Variants in B3GAT2 observed in about 807,000 individuals in gnomAD.
The protein encoded by B3GAT2 is galactosylgalactosylxylosylprotein 3-beta-glucuronosyltransferase 2.
A neutral mutation model predicts 27.8 loss-of-function variants in B3GAT2; 26 were observed. The ratio of observed to expected loss-of-function variants is 0.93; its 90% CI spans 0.68 to 1.30. The LOEUF (loss-of-function observed/expected upper bound fraction) is 1.30. Ranked by LOEUF, B3GAT2 falls within the 50% of genes most tolerant of loss-of-function variation. The pLI is 0.00. For missense variants in B3GAT2, 458 were observed against 459.0 expected (o/e 1.00, Z 0.02); for synonymous variants, 218 against 195.1 (o/e 1.12, Z -0.98).
chr6:70,892,864 G>C (rs942203872), intron 2 of B3GAT2, among the ~76,000 whole-genome samples: 3 of 152,174 alleles, frequency 2.0e-5, no homozygotes, highest in Non-Finnish European at 4.4e-5. Context: ...CCTCAGGACC[G>C]TCCAAGATGG....
At chr6:70,939,703 A>G (rs1375228924) in intron 1 of B3GAT2, among the ~76,000 whole-genome samples, 1 of 150,150 alleles carries the variant, frequency 6.7e-6, no homozygotes, top group Non-Finnish European at 1.5e-5. Context: ...CAATGAGAAC[A>G]CAGACACAGG....
chr6:70,938,219 G>A (rs1460894736), intron 1 of B3GAT2, among the ~76,000 whole-genome samples: 67 of 141,346 alleles, frequency 4.7e-4, no homozygotes, highest in Non-Finnish European at 7.2e-4. Flanking sequence ...CCTCTTCAAG[G>A]AGAACTACAA....
chr6:70,915,278 T>C (rs2150040052), intron 1 of B3GAT2, among the ~76,000 whole-genome samples: 1 of 152,332 alleles, frequency 6.6e-6, no homozygotes, highest in Admixed American at 6.5e-5. Flanking sequence ...TAAATTTGTT[T>C]AGGTTCTTTG....
chr6:70,861,985 G>T lies in B3GAT2; in HGVS notation c.737-7C>A. The T allele has an allele frequency of 2.6e-6, 4 of 1,545,864 alleles. No homozygotes were observed. Among genetic ancestry groups the T allele is most frequent in the East Asian group, 2.3e-5 (1 of 43,892 alleles). The stretch of plus-strand genomic sequence containing the variant: ...TGAAGACTTACAGCAAATCCTTTGT[G>T]AAAAATAAAAAAAAAAAAGAGACTT... On this transcript the variant is annotated splice_polypyrimidine_tract_variant and splice_region_variant and intron_variant, in intron 2 of 3. Transcript: ENST00000230053.
chr6:70,917,751 G>A (rs561391248), intron 1 of B3GAT2, among the ~76,000 whole-genome samples: 3 of 152,236 alleles, frequency 2.0e-5, no homozygotes, highest in Admixed American at 6.5e-5. Context: ...ATTGCATTGC[G>A]GTCTGAGAGA....
At chr6:70,933,812 G>A (rs1446058908) in intron 1 of B3GAT2, among the ~76,000 whole-genome samples, 22 of 152,174 alleles carry the variant, frequency 1.4e-4, no homozygotes, top group Admixed American at 1.4e-3. Flanking sequence ...GTCTTCTGGA[G>A]CCTTCCACAG....
intron 1 of B3GAT2, among the ~76,000 whole-genome samples, chr6:70,927,916 A>T (rs1772990936): frequency 6.6e-6 from 1 of 152,174 alleles, no homozygotes; most frequent in African/African-American, 2.4e-5. Flanking sequence ...CTTACTCCAA[A>T]ATTAACCACT....
intron 2 of B3GAT2, among the ~76,000 whole-genome samples, chr6:70,891,748 TTGTGTG>T (rs147352529): frequency 0.013 from 1,842 of 144,720 alleles, 17 homozygotes; most frequent in East Asian, 0.031. Flanking sequence ...AGAGCTCAGA[TTGTGTG>T]TGTGTGTGTG....
rs192199032 is a variant in B3GAT2, at chr6:70,899,728, A to C, written c.592-5456T>G. ...CATTTCAAAGGAAAACGGCACAGCT[A>C]TTTACAGAACTTCTTCATTTCACTC... On this transcript the variant is annotated intron_variant, in intron 1 of 3. Transcript: ENST00000230053. Among the ~76,000 whole-genome samples, 16 of 152,260 alleles carry C rather than the reference A, an allele frequency of 1.1e-4. No homozygotes were observed. In the East Asian group the frequency reaches 2.9e-3, roughly 28 times the overall value.
chr6:70,956,676 A>G lies in B3GAT2; in HGVS notation c.-247T>C, dbSNP rs370250434. 3 of 1,357,272 alleles carry G rather than the reference A, an allele frequency of 2.2e-6. No individual in the cohort carries two copies. The Admixed American group carries it at 1.0e-4, about 46-fold the overall frequency. 84.1% of individuals were successfully genotyped at this position (1,357,272 alleles called of 1,614,324 possible). A position where few individuals can be genotyped will look rare whatever the true frequency, so the allele number is the denominator to read the frequency against. Reference sequence around the variant, plus strand: ...GCGGGCAGGGGCTGCCCCCGACTCCAGGTGAGCTGGCGGGAAGCGGGACTC... The same window carrying G: ...GCGGGCAGGGGCTGCCCCCGACTCCGGGTGAGCTGGCGGGAAGCGGGACTC... On this transcript the variant is annotated 5_prime_UTR_variant, in exon 1 of 4. Coordinates refer to ENST00000230053, the MANE Select transcript of B3GAT2 (RefSeq NM_080742.3).
chr6:70,935,058 G>A (rs1467152097), intron 1 of B3GAT2, among the ~76,000 whole-genome samples: 1 of 152,048 alleles, frequency 6.6e-6, no homozygotes, highest in Non-Finnish European at 1.5e-5. Flanking sequence ...TTGTAGATAT[G>A]TGTAATAGGG....
Position 70,859,112 on chromosome 6 carries a change from G to A in B3GAT2, c.*2551C>T. On this transcript the variant is annotated 3_prime_UTR_variant, in exon 4 of 4. Coordinates refer to ENST00000230053, the MANE Select transcript of B3GAT2 (RefSeq NM_080742.3). Reference sequence around the variant, plus strand: ...TAGAGCATTCAGGGAATAGTCTAGAGTGATTTCTAACATTAGCACAATCAC... The same window carrying A: ...TAGAGCATTCAGGGAATAGTCTAGAATGATTTCTAACATTAGCACAATCAC... The A allele has an allele frequency of 2.3e-6, 1 of 427,106 alleles. No individual in the cohort carries two copies. Among genetic ancestry groups the A allele is most frequent in the Non-Finnish European group, 4.2e-6 (1 of 238,550 alleles). The allele number at this position is 427,106 out of a possible 1,614,324, so 26.5% of individuals were successfully genotyped here. A position where few individuals can be genotyped will look rare whatever the true frequency, so the allele number is the denominator to read the frequency against.
At chr6:70,944,223 G>A (rs952276210) in intron 1 of B3GAT2, among the ~76,000 whole-genome samples, 8 of 150,308 alleles carry the variant, frequency 5.3e-5, no homozygotes, top group East Asian at 1.9e-4. Flanking sequence ...GACAGTGGGC[G>A]CAGGACAGTG....
intron 2 of B3GAT2, among the ~76,000 whole-genome samples, chr6:70,889,627 A>T (rs1297288158): frequency 1.3e-5 from 2 of 152,124 alleles, no homozygotes; most frequent in African/African-American, 4.8e-5. Flanking sequence ...CTCGAGTTGG[A>T]GGGGACCTCA....
intron 2 of B3GAT2, among the ~76,000 whole-genome samples, chr6:70,884,109 AAAAAC>A (rs1185330097): frequency 1.5e-4 from 22 of 143,372 alleles, no homozygotes; most frequent in African/African-American, 5.7e-4. Flanking sequence ...AAAAAAAAAA[AAAAAC>A]AAAAAAAACC....
intron 1 of B3GAT2, among the ~76,000 whole-genome samples, chr6:70,908,640 C>T (rs1772638333): frequency 6.6e-6 from 1 of 152,118 alleles, no homozygotes; most frequent in Admixed American, 6.5e-5. Flanking sequence ...AAGCACTCTA[C>T]ATTTCACAAG....
chr6:70,877,722 C>T (rs554035850), intron 2 of B3GAT2, among the ~76,000 whole-genome samples: 7 of 152,180 alleles, frequency 4.6e-5, no homozygotes, highest in Non-Finnish European at 7.3e-5. Flanking sequence ...AGACTGTCCA[C>T]GCTTCCCCAC....
intron 1 of B3GAT2, among the ~76,000 whole-genome samples, chr6:70,918,507 T>C (rs1772813692): frequency 6.6e-6 from 1 of 152,194 alleles, no homozygotes; most frequent in South Asian, 2.1e-4. Context: ...CTTTACAATT[T>C]GTCATGTTTT....
chr6:70,895,557 G>A (rs1772368398), intron 1 of B3GAT2, among the ~76,000 whole-genome samples: 1 of 133,080 alleles, frequency 7.5e-6, no homozygotes, highest in Non-Finnish European at 1.5e-5. Context: ...CCAGGCTGGA[G>A]TGCAGTGGTG....
Sources: gnomAD v4.1 joint callset for allele counts (sites outside exome capture counted in the v4.1 genomes callset) on GRCh38, gnomAD v4.1.1 for gene constraint, MANE v1.5 for transcripts, NCBI Gene and HGNC (gene_info 2026-07-23, HGNC 2026-07-21) for gene names.